The following ANKS1A variants were observed in gnomAD, a reference collection of about 807,000 sequenced individuals.
ANKS1A encodes the protein ankyrin repeat and sterile alpha motif domain containing 1A.
Under a neutral mutation model 120.3 loss-of-function variants are expected in ANKS1A, and 55 were observed. That is an observed-to-expected ratio of 0.46 (90% confidence interval 0.37 to 0.57). ANKS1A has a LOEUF of 0.57. Among genes scored for constraint, ANKS1A ranks in the 20% least tolerant of loss-of-function variants. The probability of loss-of-function intolerance (pLI) is 0.00; values close to 1 mark genes in which losing one functional copy is unlikely to be tolerated. For missense variants in ANKS1A, 1,123 were observed against 1,480.3 expected, an observed-to-expected ratio of 0.76 and a Z score of 3.96; for synonymous variants, 590 against 604.7, an observed-to-expected ratio of 0.98 and a Z score of 0.36.
At chr6:34,945,267 G>T (rs937165369) in intron 1 of ANKS1A, among the ~76,000 whole-genome samples, 6 of 151,986 alleles carry the variant, frequency 3.9e-5, no homozygotes, top group African/African-American at 1.5e-4. Context: ...TTGTAGAAAT[G>T]GAGTCTCCCA....
chr6:35,023,702 A>T (rs1581661669), intron 11 of ANKS1A: 2 of 357,858 alleles, frequency 5.6e-6, no homozygotes, highest in East Asian at 1.6e-4. Context: ...GAGAGATTCG[A>T]CCAATTAGCG....
intron 1 of ANKS1A, among the ~76,000 whole-genome samples, chr6:34,892,506 A>G (rs764346240): frequency 6.6e-6 from 1 of 152,242 alleles, no homozygotes; most frequent in Non-Finnish European, 1.5e-5. Context: ...AGCTGGCAGA[A>G]ATAGGAGCTT....
At chr6:34,927,589 G>A (rs187386778) in intron 1 of ANKS1A, among the ~76,000 whole-genome samples, 4 of 152,206 alleles carry the variant, frequency 2.6e-5, no homozygotes, top group African/African-American at 9.6e-5. Context: ...GGCACGGGTC[G>A]GAAAGCCAGC....
downstream of ANKS1A, among the ~76,000 whole-genome samples, chr6:35,091,873 C>T (rs1251889766): frequency 6.6e-6 from 1 of 152,148 alleles, no homozygotes; most frequent in African/African-American, 2.4e-5. Context: ...CGAAGCCGTG[C>T]TATGGTAGGG....
chr6:34,996,522 G>A (rs1345996299), intron 10 of ANKS1A, among the ~76,000 whole-genome samples: 1 of 151,474 alleles, frequency 6.6e-6, no homozygotes, highest in Non-Finnish European at 1.5e-5. Context: ...CACCAGGCTG[G>A]AGTGCAGTGG....
intron 13 of ANKS1A, among the ~76,000 whole-genome samples, chr6:35,066,664 A>C (rs1561951665): frequency 6.6e-6 from 1 of 152,096 alleles, no homozygotes; most frequent in East Asian, 1.9e-4. Context: ...AGGGCCTCAG[A>C]AGTCACCTGC....
chr6:35,086,892 G>T lies in ANKS1A; in HGVS notation c.3304-60G>T. On this transcript the variant is annotated intron_variant, in intron 22 of 23. Coordinates refer to ENST00000360359, the MANE Select transcript of ANKS1A (RefSeq NM_015245.3). This position sits in a 1 kb window ranked among gnomAD's most constrained non-coding sequence, Gnocchi z 5.1. ...CCTGGCCTGGGGGTGGGAGGGGCCT[G>T]CTGCCTCCAGCCCTGGCACAGAGCT... 1 of 1,540,046 alleles carries T rather than the reference G, an allele frequency of 6.5e-7. No homozygotes were observed. The highest frequency in any genetic ancestry group is 9.0e-7 in the Non-Finnish European group (1 of 1,113,488).
chr6:34,934,183 T>C (rs1769132096), intron 1 of ANKS1A, among the ~76,000 whole-genome samples: 1 of 152,194 alleles, frequency 6.6e-6, no homozygotes, highest in Non-Finnish European at 1.5e-5. Flanking sequence ...AGTCTTGCTT[T>C]GTCACCCAGG....
intron 17 of ANKS1A, 73 bp downstream of exon 17, chr6:35,081,231 C>G: frequency 6.8e-7 from 1 of 1,473,788 alleles, no homozygotes; most frequent in South Asian, 1.3e-5. Flanking sequence ...CTCCCAGAAC[C>G]ACCTGCTGCC....
chr6:35,067,981 G>A (rs533494539), intron 13 of ANKS1A, among the ~76,000 whole-genome samples: 2 of 140,206 alleles, frequency 1.4e-5, no homozygotes, highest in East Asian at 4.2e-4. Flanking sequence ...CCTCTGCTCC[G>A]CCCCCAGTTC....
intron 11 of ANKS1A, among the ~76,000 whole-genome samples, chr6:35,042,109 A>G (rs1448493375): frequency 6.6e-6 from 1 of 152,198 alleles, no homozygotes; most frequent in African/African-American, 2.4e-5. Flanking sequence ...GTCATTTATT[A>G]TTGCTGTTGA....
At position 35,036,692 on chromosome 6, in the gene ANKS1A, G is replaced by C. The variant is rs180919853; in HGVS notation, c.2011-17407G>C. Among the ~76,000 whole-genome samples the C allele has an allele frequency of 1.5e-3, 235 of 152,362 alleles. 1 individual carries two copies. Among genetic ancestry groups the C allele is most frequent in the African/African-American group, 5.3e-3 (221 of 41,580 alleles). ...AGATTCTGCCAGTTTTCTAGAAACAGTACACAGACTGGTCAGCCTTCATGT... is the reference window on the plus strand; with the variant it reads ...AGATTCTGCCAGTTTTCTAGAAACACTACACAGACTGGTCAGCCTTCATGT... On this transcript the variant is annotated intron_variant, in intron 11 of 23. Coordinates refer to ENST00000360359, the MANE Select transcript of ANKS1A (RefSeq NM_015245.3).
Position 35,018,007 on chromosome 6 carries a change from T to C in ANKS1A, c.1958T>C (p.Ile653Thr). ...AGTGAGTCCTTATCCAACTGCAGCATTGGGAAGAAAAGGCTAGAGAAGTCA... is the reference window on the plus strand; with the variant it reads ...AGTGAGTCCTTATCCAACTGCAGCACTGGGAAGAAAAGGCTAGAGAAGTCA... ...SRSESLSNCSIGKKRLEKSPS... is the reference protein window; with the variant it reads ...SRSESLSNCSTGKKRLEKSPS... Residue 653 changes from isoleucine to threonine, a missense_variant, in exon 11 of 24, where the codon ATT becomes ACT. Transcript: ENST00000360359. 6.2e-7 allele frequency: 1 copy of C among 1,614,004 alleles called. No homozygotes were observed. Among genetic ancestry groups the C allele is most frequent in the Non-Finnish European group, 8.5e-7 (1 of 1,179,988 alleles).
chr6:35,066,210 A>G (rs1225129723), intron 13 of ANKS1A, among the ~76,000 whole-genome samples: 1 of 152,232 alleles, frequency 6.6e-6, no homozygotes, highest in Non-Finnish European at 1.5e-5. Flanking sequence ...GCAAAACCGC[A>G]TGTAAGGACG....
At chr6:34,949,926 C>G (rs1341479767) in intron 1 of ANKS1A, among the ~76,000 whole-genome samples, 2 of 152,134 alleles carry the variant, frequency 1.3e-5, no homozygotes, top group African/African-American at 4.8e-5. Flanking sequence ...TAAAGGAGGC[C>G]AAACCCAGAA....
Position 35,079,667 on chromosome 6 carries a change from A to G in ANKS1A, c.2435A>G (p.Asn812Ser), listed in dbSNP as rs1205949399. The G allele has an allele frequency of 1.2e-6, 2 of 1,614,132 alleles. No homozygotes were observed. Among genetic ancestry groups the G allele is most frequent in the Non-Finnish European group, 1.7e-6 (2 of 1,180,004 alleles). ...VKNLWELELV[N>S]VLKVQLLGHR... ...AACCTCTGGGAGCTAGAGCTCGTCA[A>G]TGTGAGTAGTCCCTGCGTGGCCCGG... The change falls in exon 15 of 24, where the codon AAT becomes AGT. Residue 812 changes from asparagine (N) to serine (S), a missense_variant and splice_region_variant. Physicochemically the swap from Asn to Ser is conservative, Grantham distance 46. This residue lies in a region of ANKS1A where 904 missense variants were observed against 1,130.4 expected (regional missense o/e 0.80). Coordinates refer to ENST00000360359, the MANE Select transcript of ANKS1A (RefSeq NM_015245.3).
intron 23 of ANKS1A, 152 bp downstream of exon 23, chr6:35,087,201 CGGG>C: frequency 1.5e-6 from 1 of 687,296 alleles, no homozygotes; most frequent in South Asian, 1.7e-5. Flanking sequence ...TCCTCTTGGG[CGGG>C]CGGCAGCGTA....
chr6:34,893,758 A>G (rs1766933530), intron 1 of ANKS1A, among the ~76,000 whole-genome samples: 1 of 151,918 alleles, frequency 6.6e-6, no homozygotes, highest in South Asian at 2.1e-4. Context: ...AATTTATCCT[A>G]CCTCCCGGCT....
chr6:34,973,487 C>T (rs373114414), intron 3 of ANKS1A, among the ~76,000 whole-genome samples: 236 of 152,254 alleles, frequency 1.6e-3, no homozygotes, highest in African/African-American at 5.3e-3. Flanking sequence ...CTCTCACCCG[C>T]TGGTTTTGGT....
Sources: allele counts gnomAD v4.1 joint callset (sites outside exome capture counted in the v4.1 genomes callset), GRCh38; gene constraint gnomAD v4.1.1; regional missense constraint gnomAD v4.1.1; non-coding constraint Gnocchi (gnomAD v3.1); transcripts MANE v1.5; gene names NCBI Gene and HGNC (gene_info 2026-07-23, HGNC 2026-07-21).